The following GRIP1 variants were observed in gnomAD, a reference collection of about 807,000 sequenced individuals.
The protein encoded by GRIP1 is glutamate receptor-interacting protein 1.
GRIP1 carries 45 observed loss-of-function variants against 129.9 expected under a neutral mutation model. That is an observed-to-expected ratio of 0.35 (90% CI 0.27 to 0.44). GRIP1 has a LOEUF of 0.44. Ranked by LOEUF, GRIP1 falls within the 20% of genes least tolerant of loss-of-function variation. The probability of loss-of-function intolerance (pLI) is 1.00; values close to 1 mark genes in which losing one functional copy is unlikely to be tolerated. For synonymous variants in GRIP1, 530 were observed against 520.8 expected (o/e 1.02, Z -0.24); for missense variants, 1,196 against 1,396.8 (o/e 0.86, Z 2.29).
At chr12:66,834,935 A>AGG (rs1566044338) in intron 1 of GRIP1, among the ~76,000 whole-genome samples, 3 of 130,872 alleles carry the variant, frequency 2.3e-5, no homozygotes, top group African/African-American at 8.8e-5. Context: ...TTAAAAAAAA[A>AGG]AGGGGGGGGG....
chr12:66,848,193 C>G (rs1295102617), intron 1 of GRIP1, among the ~76,000 whole-genome samples: 1 of 151,738 alleles, frequency 6.6e-6, no homozygotes, highest in Non-Finnish European at 1.5e-5. Flanking sequence ...ATCATTTTTC[C>G]TCATTCTTCT....
chr12:66,359,143 C>T (rs760002030), intron 23 of GRIP1, among the ~76,000 whole-genome samples: 3 of 152,300 alleles, frequency 2.0e-5, no homozygotes, highest in Admixed American at 6.5e-5. Flanking sequence ...TCTGTGCCTA[C>T]GGCTAGTTGG....
At chr12:66,994,491 C>G (rs1404996766) in intron 1 of GRIP1, among the ~76,000 whole-genome samples, 2 of 149,776 alleles carry the variant, frequency 1.3e-5, no homozygotes, top group African/African-American at 2.4e-5. Context: ...AATTTCTCAA[C>G]CTAATAGAGG....
At chr12:66,355,222 G>T (rs1255411325) in intron 23 of GRIP1, among the ~76,000 whole-genome samples, 1 of 151,364 alleles carries the variant, frequency 6.6e-6, no homozygotes, top group Non-Finnish European at 1.5e-5. Context: ...GTGTGTGCAT[G>T]TGTGTGTGTG....
Position 66,406,316 on chromosome 12 carries a change from T to C in GRIP1, c.1951A>G (p.Lys651Glu). 6.2e-7 allele frequency: 1 copy of C among 1,614,144 alleles called. No individual in the cohort carries two copies. The highest frequency in any genetic ancestry group is 8.5e-7 in the Non-Finnish European group (1 of 1,179,970). ...QILQQCEDLV[K>E]LKIRKDEDNS... The stretch of plus-strand genomic sequence containing the variant: ...TCTTCATCTTTGCGGATTTTGAGCT[T>C]CACCAGGTCTTCACATTGCTGGAGG... The change falls in exon 16 of 25, where the codon AAG (lysine) becomes GAG (glutamate). Residue 651 changes from lysine (K) to glutamate (E), a missense_variant. Physicochemically the swap from Lys to Glu is moderately conservative, Grantham distance 56. Around this residue, in one of 5 missense-constraint regions of GRIP1, gnomAD observed 508 missense variants for 587.0 expected, o/e 0.87. Coordinates refer to ENST00000359742, the MANE Select transcript of GRIP1 (RefSeq NM_001366722.1).
intron 1 of GRIP1, among the ~76,000 whole-genome samples, chr12:66,816,424 G>C (rs2039219923): frequency 6.6e-6 from 1 of 152,132 alleles, no homozygotes; most frequent in African/African-American, 2.4e-5. Flanking sequence ...CCTGTATATT[G>C]ATTGTACTAA....
intron 1 of GRIP1, among the ~76,000 whole-genome samples, chr12:66,968,260 G>A (rs1300859853): frequency 6.6e-6 from 1 of 152,042 alleles, no homozygotes. Flanking sequence ...TTAAGATAGT[G>A]ACTCCAGCTT....
intron 1 of GRIP1, among the ~76,000 whole-genome samples, chr12:66,632,244 A>AGGT (rs2030877227): frequency 6.6e-6 from 1 of 152,228 alleles, no homozygotes; most frequent in African/African-American, 2.4e-5. Flanking sequence ...ACTTGCTATA[A>AGGT]ACAGAACTGC....
At chr12:66,848,895 T>A (rs1158821228) in intron 1 of GRIP1, among the ~76,000 whole-genome samples, 2 of 152,148 alleles carry the variant, frequency 1.3e-5, no homozygotes, top group African/African-American at 4.8e-5. Context: ...AATTTATAAA[T>A]GAGAGGATGG....
At chr12:66,580,930 T>C (rs1217990102) in intron 2 of GRIP1, among the ~76,000 whole-genome samples, 1 of 151,968 alleles carries the variant, frequency 6.6e-6, no homozygotes, top group Admixed American at 6.6e-5. Flanking sequence ...TACAGAACTC[T>C]CCACCCCAAA....
intron 1 of GRIP1, among the ~76,000 whole-genome samples, chr12:66,896,601 T>C (rs888730753): frequency 3.3e-5 from 5 of 152,158 alleles, no homozygotes; most frequent in Non-Finnish European, 7.4e-5. Context: ...TGTGATATGC[T>C]TTTGCATATG....
Position 66,349,183 on chromosome 12 carries a change from C to G in GRIP1, c.3223G>C (p.Gly1075Arg), listed in dbSNP as rs201410285. ...CLVVPLIAESGNKLDLVISRN... is the reference protein window; with the variant it reads ...CLVVPLIAESRNKLDLVISRN... ...CTAATAACCAGGTCCAGCTTATTCC[C>G]GGATTCTGCTATGAGGGGCACAACA... Residue 1075 changes from glycine (G) to arginine (R), a missense_variant, in exon 25 of 25, where the codon GGG becomes CGG. Coordinates refer to ENST00000359742, the MANE Select transcript of GRIP1 (RefSeq NM_001366722.1). 1 of 1,614,100 alleles carries G rather than the reference C, an allele frequency of 6.2e-7. No individual in the cohort carries two copies. The highest frequency in any genetic ancestry group is 1.1e-5 in the South Asian group (1 of 91,078).
intron 1 of GRIP1, among the ~76,000 whole-genome samples, chr12:66,615,345 A>C (rs902544162): frequency 2.6e-5 from 4 of 152,092 alleles, no homozygotes; most frequent in African/African-American, 9.7e-5. Context: ...TCTTTTTTAC[A>C]ATGTTCTGAC....
chr12:66,432,653 T>G (rs1414035301), intron 13 of GRIP1, 25 bp from the exon 14 acceptor site: 1 of 1,332,982 alleles, frequency 7.5e-7, no homozygotes, highest in Non-Finnish European at 1.1e-6. Flanking sequence ...AAAAAGAATG[T>G]GTTAATAGAA....
chr12:66,670,097 A>T (rs2034003891), intron 1 of GRIP1, among the ~76,000 whole-genome samples: 1 of 152,212 alleles, frequency 6.6e-6, no homozygotes, highest in African/African-American at 2.4e-5. Context: ...ACTCCTTTGC[A>T]TGAGTAGCTA....
intron 1 of GRIP1, among the ~76,000 whole-genome samples, chr12:66,712,965 T>C (rs188528004): frequency 5.3e-5 from 8 of 152,106 alleles, no homozygotes; most frequent in African/African-American, 1.7e-4. Flanking sequence ...AATGATTAAG[T>C]CTAGAACAAA....
At chr12:66,690,653 C>T (rs1336684487) in intron 1 of GRIP1, among the ~76,000 whole-genome samples, 1 of 151,202 alleles carries the variant, frequency 6.6e-6, no homozygotes, top group Admixed American at 6.6e-5. Context: ...ACCAGCTGAG[C>T]TCAGGAGTTT....
intron 1 of GRIP1, among the ~76,000 whole-genome samples, chr12:66,845,405 C>A (rs982652481): frequency 6.6e-6 from 1 of 152,050 alleles, no homozygotes; most frequent in Admixed American, 6.6e-5. Flanking sequence ...TGCAGTGAGC[C>A]GAGATCAGGC....
intron 5 of GRIP1, among the ~76,000 whole-genome samples, chr12:66,528,861 G>T (rs553021385): frequency 6.6e-6 from 1 of 152,060 alleles, no homozygotes; most frequent in Non-Finnish European, 1.5e-5. Flanking sequence ...TTCTAACCCA[G>T]AGAGTGAGAG....
Sources: gnomAD v4.1 joint callset for allele counts (sites outside exome capture counted in the v4.1 genomes callset) on GRCh38, gnomAD v4.1.1 for gene constraint, gnomAD v4.1.1 regional missense constraint, MANE v1.5 for transcripts, NCBI Gene and HGNC (gene_info 2026-07-23, HGNC 2026-07-21) for gene names.